LUZP2: variants seen among roughly 807,000 people sequenced by gnomAD.
LUZP2 encodes leucine zipper protein 2.
In LUZP2, 52 loss-of-function variants were observed where a neutral mutation model predicts 51.6. That is an observed-to-expected ratio of 1.01 (90% CI 0.81 to 1.27). The LOEUF is 1.27. Among genes scored for constraint, LUZP2 ranks in the 50% most tolerant of loss-of-function variants. The pLI is 0.00. For missense variants in LUZP2, 436 were observed against 395.4 expected (o/e 1.10, Z -0.87); for synonymous variants, 154 against 137.3 (o/e 1.12, Z -0.85).
At chr11:24,680,991 T>C (rs1590339937) in intron 1 of LUZP2, among the ~76,000 whole-genome samples, 2 of 87,880 alleles carry the variant, frequency 2.3e-5, no homozygotes, top group South Asian at 7.3e-4. Flanking sequence ...TTTTTTTTTT[T>C]TGAGACGGAG....
At chr11:24,526,642 A>G (rs1196152763) in intron 1 of LUZP2, among the ~76,000 whole-genome samples, 1 of 151,450 alleles carries the variant, frequency 6.6e-6, no homozygotes, top group Non-Finnish European at 1.5e-5. Context: ...TTATTGTAAT[A>G]TGTGCTAGTG....
At chr11:24,624,506 A>G (rs893918845) in intron 1 of LUZP2, among the ~76,000 whole-genome samples, 2 of 152,206 alleles carry the variant, frequency 1.3e-5, no homozygotes, top group Non-Finnish European at 2.9e-5. Context: ...AAAGTCATAT[A>G]TATAAGAACT....
chr11:24,629,196 T>C (rs1228442613), intron 1 of LUZP2, among the ~76,000 whole-genome samples: 1 of 151,856 alleles, frequency 6.6e-6, no homozygotes, highest in South Asian at 2.1e-4. Context: ...ATAACATACA[T>C]TGTACCCATT....
chr11:24,919,845 C>T (rs12291770), intron 7 of LUZP2, among the ~76,000 whole-genome samples: 71,366 of 150,592 alleles, frequency 0.47, 17,197 homozygotes, highest in East Asian at 0.76. Context: ...ATAGTTTACT[C>T]TCCCATCAGT....
At chr11:24,994,773 A>T (rs1451312988) in intron 9 of LUZP2, among the ~76,000 whole-genome samples, 1 of 152,160 alleles carries the variant, frequency 6.6e-6, no homozygotes, top group East Asian at 1.9e-4. Context: ...CAGGGTGGTA[A>T]TTTAATCTTT....
At chr11:24,757,581 T>C (rs1326906290) in intron 4 of LUZP2, among the ~76,000 whole-genome samples, 11 of 151,950 alleles carry the variant, frequency 7.2e-5, no homozygotes, top group Non-Finnish European at 1.6e-4. Context: ...AAACTCAATG[T>C]ACTAACGAAA....
At chr11:25,027,885 G>A (rs2404015) in intron 9 of LUZP2, among the ~76,000 whole-genome samples, 11,737 of 50,168 alleles carry the variant, frequency 0.23, 1,040 homozygotes, top group African/African-American at 0.48. Context: ...AAAAAAAAAA[G>A]GTGTTTAGAT....
intron 1 of LUZP2, among the ~76,000 whole-genome samples, chr11:24,680,534 A>G (rs929654230): frequency 2.6e-5 from 4 of 152,196 alleles, no homozygotes; most frequent in African/African-American, 4.8e-5. Flanking sequence ...AGGTGTCTCA[A>G]TGTCATACAG....
chr11:24,818,420 T>A (rs2134151883), intron 5 of LUZP2, among the ~76,000 whole-genome samples: 1 of 152,212 alleles, frequency 6.6e-6, no homozygotes, highest in Non-Finnish European at 1.5e-5. Context: ...TTCTGGAAAC[T>A]TGACATGTCA....
intron 5 of LUZP2, among the ~76,000 whole-genome samples, chr11:24,845,471 A>G (rs118187186): frequency 0.014 from 2,071 of 152,206 alleles, 52 homozygotes; most frequent in East Asian, 0.13. Context: ...ATGAGCTAAG[A>G]CTTTGGGGGA....
chr11:24,605,837 G>A (rs1412586532), intron 1 of LUZP2, among the ~76,000 whole-genome samples: 2 of 151,564 alleles, frequency 1.3e-5, no homozygotes, highest in African/African-American at 4.8e-5. Context: ...TCAATTGTGT[G>A]CCCTTTGACC....
chr11:24,605,719 A>T (rs1359475150), intron 1 of LUZP2, among the ~76,000 whole-genome samples: 3 of 151,872 alleles, frequency 2.0e-5, no homozygotes, highest in Non-Finnish European at 4.4e-5. Context: ...AAGATAATTA[A>T]AACATTTGTA....
chr11:24,677,269 T>C (rs1856589774), intron 1 of LUZP2, among the ~76,000 whole-genome samples: 1 of 152,168 alleles, frequency 6.6e-6, no homozygotes, highest in Non-Finnish European at 1.5e-5. Flanking sequence ...ATCATAAATT[T>C]CTCTCTACAT....
At chr11:24,963,387 A>G (rs530956191) in intron 7 of LUZP2, among the ~76,000 whole-genome samples, 1,736 of 152,252 alleles carry the variant, frequency 0.011, 24 homozygotes, top group African/African-American at 0.04. Context: ...ACAGAGGCAG[A>G]CAGGCCTCCT....
At chr11:24,613,015 AATGTCCATGCCAACTCTT>A (rs1854170979) in intron 1 of LUZP2, among the ~76,000 whole-genome samples, 1 of 152,096 alleles carries the variant, frequency 6.6e-6, no homozygotes, top group Non-Finnish European at 1.5e-5. Context: ...ACAGGAAACA[AATGTCCATGCCAACTCTT>A]ATGTAGAATT....
rs370345176 is a variant in LUZP2, at chr11:24,538,732, A to G, written c.62+41427A>G. ...TTCTGATAATTTATTTTGTAAAAAT[A>G]ATTGTGAGAAAGCAGAATCACGTAA... On this transcript the variant is annotated intron_variant, in intron 1 of 11. Transcript: ENST00000336930. 7.2e-5 allele frequency among the ~76,000 whole-genome samples: 11 copies of G among 151,842 alleles called. No homozygotes were observed. The South Asian group carries it at 1.9e-3, about 26-fold the overall frequency.
At chr11:25,051,198 T>A (rs543760848) in intron 10 of LUZP2, among the ~76,000 whole-genome samples, 1 of 152,004 alleles carries the variant, frequency 6.6e-6, no homozygotes, top group African/African-American at 2.4e-5. Flanking sequence ...TGAATTACTC[T>A]CCCAACTACT....
chr11:24,927,930 T>C (rs1340782044), intron 7 of LUZP2, among the ~76,000 whole-genome samples: 1 of 152,070 alleles, frequency 6.6e-6, no homozygotes, highest in Non-Finnish European at 1.5e-5. Flanking sequence ...TGCTTTGTAG[T>C]TTTCCTTGTA....
At chr11:24,998,576 G>A (rs1000973987) in intron 9 of LUZP2, among the ~76,000 whole-genome samples, 2 of 152,310 alleles carry the variant, frequency 1.3e-5, no homozygotes, top group East Asian at 1.9e-4. Context: ...TACAGAACAT[G>A]ATATTCAGGA....
Sources: allele counts gnomAD v4.1 joint callset (sites outside exome capture counted in the v4.1 genomes callset), GRCh38; gene constraint gnomAD v4.1.1; transcripts MANE v1.5; gene names NCBI Gene and HGNC (gene_info 2026-07-23, HGNC 2026-07-21).